Variants in PCDH15 observed in about 807,000 individuals in gnomAD.
The protein encoded by PCDH15 is protocadherin related 15, also known as protocadherin-15.
A neutral mutation model predicts 178.5 loss-of-function variants in PCDH15; 129 were observed. The observed-to-expected ratio is 0.72, with a 90% CI of 0.63 to 0.84. The LOEUF (loss-of-function observed/expected upper bound fraction) is 0.84, where lower values mean the gene tolerates loss of function less well. Ranked by LOEUF, PCDH15 falls within the 40% of genes least tolerant of loss-of-function variation. The pLI is 0.00. For missense variants in PCDH15, 2,230 were observed against 2,099.9 expected, an observed-to-expected ratio of 1.06 and a Z score of -1.21; for synonymous variants, 800 against 732.0, an observed-to-expected ratio of 1.09 and a Z score of -1.50.
intron 2 of PCDH15, among the ~76,000 whole-genome samples, chr10:55,121,872 G>A (rs1837781620): frequency 1.3e-5 from 2 of 151,764 alleles, no homozygotes; most frequent in Admixed American, 1.3e-4. Flanking sequence ...ATCTTCCAGT[G>A]CTTTGATCTC....
At chr10:54,080,284 T>C (rs2094416694) in intron 16 of PCDH15, among the ~76,000 whole-genome samples, 1 of 152,142 alleles carries the variant, frequency 6.6e-6, no homozygotes, top group East Asian at 1.9e-4. Context: ...CTACTCCTTA[T>C]CTTTTCACTG....
At chr10:54,638,121 G>A (rs745465113) in intron 2 of PCDH15, among the ~76,000 whole-genome samples, 12 of 151,622 alleles carry the variant, frequency 7.9e-5, no homozygotes, top group South Asian at 2.1e-4. Flanking sequence ...TTTGTAACTC[G>A]CACAACATAA....
chr10:54,090,757 C>G (rs1177040458), intron 15 of PCDH15, among the ~76,000 whole-genome samples: 1 of 151,848 alleles, frequency 6.6e-6, no homozygotes, highest in East Asian at 1.9e-4. Flanking sequence ...TCAAATCAGT[C>G]TAACTTTCTG....
At chr10:54,530,699 T>A (rs1439100439) in intron 2 of PCDH15, among the ~76,000 whole-genome samples, 1 of 152,108 alleles carries the variant, frequency 6.6e-6, no homozygotes, top group East Asian at 1.9e-4. Context: ...CTTAGATAAT[T>A]CCCACTACGA....
intron 1 of PCDH15, among the ~76,000 whole-genome samples, chr10:54,785,930 C>T (rs190306511): frequency 1.1e-4 from 16 of 151,996 alleles, no homozygotes; most frequent in Middle Eastern, 3.4e-3. Flanking sequence ...TTAAAGGTTT[C>T]CTTTCTAATA....
intron 25 of PCDH15, among the ~76,000 whole-genome samples, chr10:53,904,539 A>G (rs1385903469): frequency 6.7e-6 from 1 of 149,538 alleles, no homozygotes; most frequent in Non-Finnish European, 1.5e-5. Flanking sequence ...TTTTGCTCCT[A>G]TCCTGCTGCT....
intron 32 of PCDH15, chr10:53,823,716 T>C: frequency 2.2e-6 from 1 of 450,512 alleles, no homozygotes; most frequent in South Asian, 1.5e-5. Context: ...GTTCTTCCCA[T>C]TGCAGAACAC....
chr10:53,844,314 T>C (rs2077840023), intron 28 of PCDH15, among the ~76,000 whole-genome samples: 1 of 151,996 alleles, frequency 6.6e-6, no homozygotes, highest in Non-Finnish European at 1.5e-5. Flanking sequence ...GAAAACTAGT[T>C]AGTAAAGAAC....
At chr10:54,598,231 AC>A (rs2092339211) in intron 2 of PCDH15, among the ~76,000 whole-genome samples, 1 of 152,118 alleles carries the variant, frequency 6.6e-6, no homozygotes, top group Non-Finnish European at 1.5e-5. Context: ...AATATCCTTA[AC>A]AAAATACTAC....
rs996070973 is a variant in PCDH15 at position 53,931,272 on chromosome 10, G to T, written c.3373+7543C>A. Among the ~76,000 whole-genome samples, 6 of 152,194 alleles carry T rather than the reference G, an allele frequency of 3.9e-5. 1 individual carries two copies. In the South Asian group the frequency reaches 1.2e-3, roughly 32 times the overall value. ...TATGAAAAGGCTGCAAATCAGGGGTGGTGAGGTGGGAGTGGGCAGAACTGG... is the reference window on the plus strand; with the variant it reads ...TATGAAAAGGCTGCAAATCAGGGGTTGTGAGGTGGGAGTGGGCAGAACTGG... On this transcript the variant is annotated intron_variant, in intron 25 of 37. Transcript: ENST00000644397.
chr10:54,354,602 C>A (rs769820116), intron 5 of PCDH15, among the ~76,000 whole-genome samples: 1 of 152,074 alleles, frequency 6.6e-6, no homozygotes, highest in Non-Finnish European at 1.5e-5. Flanking sequence ...CTCCTGAAGG[C>A]CCAGTGATTT....
intron 1 of PCDH15, among the ~76,000 whole-genome samples, chr10:54,800,358 C>T (rs1297003696): frequency 2.0e-5 from 3 of 152,090 alleles, no homozygotes; most frequent in Admixed American, 1.3e-4. Context: ...CTTCCAGATA[C>T]GCACAAAGGA....
At chr10:54,162,222 A>G (rs10763075) in intron 13 of PCDH15, among the ~76,000 whole-genome samples, 97,225 of 151,870 alleles carry the variant, frequency 0.64, 32,570 homozygotes, top group East Asian at 0.89. Context: ...CAAAGTTTAG[A>G]TCTTGATTAT....
intron 2 of PCDH15, among the ~76,000 whole-genome samples, chr10:55,080,065 A>G (rs1026029312): frequency 9.9e-5 from 15 of 152,094 alleles, no homozygotes; most frequent in African/African-American, 3.4e-4. Context: ...GGTTGTCTTC[A>G]GCAGTCCCAT....
intron 2 of PCDH15, among the ~76,000 whole-genome samples, chr10:54,998,526 T>C (rs1204990126): frequency 1.3e-5 from 2 of 152,102 alleles, no homozygotes; most frequent in Non-Finnish European, 2.9e-5. Context: ...GTTTAGATAA[T>C]AAAATATTCT....
intron 28 of PCDH15, among the ~76,000 whole-genome samples, chr10:53,842,950 G>T (rs1256701406): frequency 6.6e-6 from 1 of 152,090 alleles, no homozygotes; most frequent in Admixed American, 6.6e-5. Context: ...TAGATTAATT[G>T]TGTGTGATCC....
chr10:55,439,225 A>G (rs1240735143), intron 2 of PCDH15, among the ~76,000 whole-genome samples: 1 of 152,202 alleles, frequency 6.6e-6, no homozygotes, highest in African/African-American at 2.4e-5. Flanking sequence ...TCACATACAC[A>G]GGAAAGAAAA....
intron 3 of PCDH15, among the ~76,000 whole-genome samples, chr10:54,521,412 G>T (rs1264514567): frequency 1.3e-5 from 2 of 152,026 alleles, no homozygotes; most frequent in African/African-American, 4.8e-5. Flanking sequence ...CTGTCCCGAA[G>T]TATTAAGATA....
chr10:53,866,031 A>T (rs1192805406), intron 27 of PCDH15, among the ~76,000 whole-genome samples: 1 of 152,136 alleles, frequency 6.6e-6, no homozygotes, highest in Non-Finnish European at 1.5e-5. Context: ...CTTTCAAATG[A>T]TCTATCACTA....
Sources: gnomAD v4.1 joint callset for allele counts (sites outside exome capture counted in the v4.1 genomes callset) on GRCh38, gnomAD v4.1.1 for gene constraint, MANE v1.5 for transcripts, NCBI Gene and HGNC (gene_info 2026-07-23, HGNC 2026-07-21) for gene names.